CDC45: variants seen among roughly 807,000 people sequenced by gnomAD.
The protein encoded by CDC45 is cell division control protein 45 homolog.
Under a neutral mutation model 77.8 loss-of-function variants are expected in CDC45, and 54 were observed. That is an observed-to-expected ratio of 0.69 (90% CI 0.56 to 0.87). The LOEUF (loss-of-function observed/expected upper bound fraction) is 0.87, where lower values mean the gene tolerates loss of function less well. Among genes scored for constraint, CDC45 ranks in the 40% least tolerant of loss-of-function variants. The probability of loss-of-function intolerance (pLI) is 0.00; values close to 1 mark genes in which losing one functional copy is unlikely to be tolerated. For missense variants in CDC45, 649 were observed against 721.6 expected (o/e 0.90, Z 1.15); for synonymous variants, 260 against 272.1 (o/e 0.96, Z 0.44).
At chr22:19,496,128 C>T in intron 7 of CDC45, 99 bp downstream of exon 7, 6 of 871,392 alleles carry the variant, frequency 6.9e-6, no homozygotes, top group South Asian at 2.9e-5. Flanking sequence ...CCACAAAAGC[C>T]TGGTTTGAAT....
intron 9 of CDC45, among the ~76,000 whole-genome samples, chr22:19,503,633 C>T (rs1271087124): frequency 6.6e-6 from 1 of 152,192 alleles, no homozygotes; most frequent in African/African-American, 2.4e-5. Context: ...AACAAAAGGC[C>T]TTCCGAAATC....
intron 13 of CDC45, among the ~76,000 whole-genome samples, chr22:19,513,379 A>G (rs1340315025): frequency 6.6e-6 from 1 of 152,292 alleles, no homozygotes; most frequent in East Asian, 1.9e-4. Context: ...CTAATAAACT[A>G]TTCCAGAGAC....
intron 5 of CDC45, among the ~76,000 whole-genome samples, chr22:19,486,670 G>A (rs1451779265): frequency 6.6e-6 from 1 of 152,080 alleles, no homozygotes; most frequent in African/African-American, 2.4e-5. Context: ...AACTAAGTAT[G>A]TGTATATTAG....
At chr22:19,497,640 A>G (rs560761165) in intron 8 of CDC45, among the ~76,000 whole-genome samples, 193 bp downstream of exon 8, 1 of 152,228 alleles carries the variant, frequency 6.6e-6, no homozygotes, top group South Asian at 2.1e-4. Flanking sequence ...TCACACAAAC[A>G]TGGGACTTGG....
At position 19,480,964 on chromosome 22, in the gene CDC45, G is replaced by C; in HGVS notation, c.123G>C (p.Gln41His). The change falls in exon 3 of 19, where the codon CAG becomes CAC. Residue 41 changes from glutamine to histidine, a missense_variant. By Grantham distance (24) the Gln-to-His change is conservative. Transcript: ENST00000263201. ...CACKILQALF[Q>H]CDHVQYTLVP... ...CACTCTCTCTCCAGGCCTTGTTCCAGTGTGACCACGTGCAATATACGCTGG... is the reference window on the plus strand; with the variant it reads ...CACTCTCTCTCCAGGCCTTGTTCCACTGTGACCACGTGCAATATACGCTGG... The C allele has an allele frequency of 1.2e-6, 2 of 1,611,606 alleles. No homozygotes were observed. Among genetic ancestry groups the C allele is most frequent in the Non-Finnish European group, 1.7e-6 (2 of 1,178,348 alleles).
chr22:19,511,104 T>C (rs1933487313), intron 13 of CDC45, among the ~76,000 whole-genome samples: 1 of 152,164 alleles, frequency 6.6e-6, no homozygotes, highest in Non-Finnish European at 1.5e-5. Flanking sequence ...AGCTGCACCA[T>C]TTTACATTCC....
At chr22:19,507,331 G>A (rs1021318477) in intron 10 of CDC45, 55 bp from the exon 11 acceptor site, 56 of 1,593,848 alleles carry the variant, frequency 3.5e-5, no homozygotes, top group Non-Finnish European at 4.5e-5. Flanking sequence ...CTGGAGTTAC[G>A]AGAGTGCTCA....
intron 13 of CDC45, among the ~76,000 whole-genome samples, chr22:19,510,683 C>A (rs1009284047): frequency 2.0e-5 from 3 of 152,096 alleles, no homozygotes; most frequent in Non-Finnish European, 4.4e-5. Context: ...CGCATGCCAC[C>A]AAGCCTGGCT....
At chr22:19,513,004 G>A (rs1933597734) in intron 13 of CDC45, among the ~76,000 whole-genome samples, 2 of 152,126 alleles carry the variant, frequency 1.3e-5, no homozygotes, top group African/African-American at 4.8e-5. Context: ...AAGGTACTAG[G>A]CTCTTTTTAA....
intron 5 of CDC45, among the ~76,000 whole-genome samples, chr22:19,489,585 G>A (rs868711911): frequency 1.3e-5 from 2 of 152,070 alleles, no homozygotes; most frequent in South Asian, 2.1e-4. Context: ...TTCCTTTCTC[G>A]TCCATCAGCA....
intron 3 of CDC45, 98 bp from the exon 4 acceptor site, chr22:19,482,592 G>C: frequency 3.0e-6 from 4 of 1,330,932 alleles, no homozygotes; most frequent in Non-Finnish European, 4.2e-6. Flanking sequence ...ACATGTCAGG[G>C]ACTGAGTGAG....
In CDC45 at chr22:19,480,356, A is replaced by G. The variant is rs1452597712; in HGVS notation, c.111+139A>G. ...GGGAGCAGGGCAGGAGGTGAACAGC[A>G]AGTGAGAGGAGAGAGACTCGGAGGA... On this transcript the variant is annotated intron_variant, in intron 2 of 18. Coordinates refer to ENST00000263201, the MANE Select transcript of CDC45 (RefSeq NM_003504.5). The G allele has an allele frequency of 3.8e-6, 3 of 793,394 alleles. No homozygotes were observed. In the African/African-American group the frequency reaches 5.1e-5, roughly 13 times the overall value. The allele number at this position is 793,394 out of a possible 1,614,324, so 49.1% of individuals were successfully genotyped here. A position where few individuals can be genotyped will look rare whatever the true frequency, so the allele number is the denominator to read the frequency against.
chr22:19,517,541 G>A (rs2146449206), intron 17 of CDC45, among the ~76,000 whole-genome samples: 1 of 152,334 alleles, frequency 6.6e-6, no homozygotes, highest in South Asian at 2.1e-4. Flanking sequence ...GTTTGCTAAA[G>A]CTGCCATAAC....
At chr22:19,500,763 C>T (rs567729742) in intron 9 of CDC45, among the ~76,000 whole-genome samples, 2 of 152,284 alleles carry the variant, frequency 1.3e-5, no homozygotes, top group Middle Eastern at 3.4e-3. Flanking sequence ...TGAAGATCTC[C>T]TCCCATCTCC....
chr22:19,515,337 G>A (rs1243780728), intron 15 of CDC45, among the ~76,000 whole-genome samples: 1 of 152,210 alleles, frequency 6.6e-6, no homozygotes, highest in African/African-American at 2.4e-5. Context: ...TTGCAGGTCA[G>A]GGAAAGCGGG....
rs1352198315 is a variant in CDC45 at position 19,507,380 on chromosome 22, G to T, written c.825-6G>T. ...GTGCTTGCATGCTCCTTGACTGCAG[G>T]CCCAGCCTCCGCCTGGTGCTCTACC... On this transcript the variant is annotated splice_region_variant and splice_polypyrimidine_tract_variant and intron_variant, in intron 10 of 18. Transcript: ENST00000263201. 6.8e-6 allele frequency: 11 copies of T among 1,613,520 alleles called. No homozygotes were observed. In the Middle Eastern group the frequency reaches 8.3e-4, roughly 121 times the overall value.
chr22:19,513,366 G>T (rs1217117835), intron 13 of CDC45, among the ~76,000 whole-genome samples: 1 of 152,172 alleles, frequency 6.6e-6, no homozygotes, highest in Non-Finnish European at 1.5e-5. Flanking sequence ...TTACTTTATT[G>T]TGCTAATAAA....
chr22:19,481,080 T>C (rs565373387), intron 3 of CDC45, 35 bp downstream of exon 3: 1 of 1,359,940 alleles, frequency 7.4e-7, no homozygotes, highest in Admixed American at 1.7e-5. Context: ...ACGTGGCTTT[T>C]TACTCAATTG....
At chr22:19,518,722 AG>A (rs780929437) in intron 17 of CDC45, 121 bp from the exon 18 acceptor site, 4 of 757,260 alleles carry the variant, frequency 5.3e-6, no homozygotes, top group Non-Finnish European at 9.5e-6. Context: ...AGAATACCAC[AG>A]GCCGGGAGGA....
Sources: gnomAD v4.1 joint callset for allele counts (sites outside exome capture counted in the v4.1 genomes callset) on GRCh38, gnomAD v4.1.1 for gene constraint, MANE v1.5 for transcripts, NCBI Gene and HGNC (gene_info 2026-07-23, HGNC 2026-07-21) for gene names.